The following TENM3 variants were observed in gnomAD, a reference collection of about 807,000 sequenced individuals.
The protein encoded by TENM3 is teneurin-3.
In TENM3, 63 loss-of-function variants were observed where a neutral mutation model predicts 255.1. The ratio of observed to expected loss-of-function variants is 0.25; its 90% confidence interval spans 0.20 to 0.30. The LOEUF (loss-of-function observed/expected upper bound fraction) is 0.30. Ranked by LOEUF, TENM3 falls within the 10% of genes least tolerant of loss-of-function variation. The probability of loss-of-function intolerance (pLI) is 1.00; values close to 1 mark genes in which losing one functional copy is unlikely to be tolerated. For missense variants in TENM3, 2,929 were observed against 3,461.1 expected (o/e 0.85, Z 3.86); for synonymous variants, 1,306 against 1,322.3 (o/e 0.99, Z 0.27).
the TENM3 span, among the ~76,000 whole-genome samples, chr4:181,790,786 G>C: frequency 6.6e-6 from 1 of 152,170 alleles, no homozygotes; most frequent in Non-Finnish European, 1.5e-5. Context: ...TCTGCTTACG[G>C]AGAGAGGAAA....
the TENM3 span, among the ~76,000 whole-genome samples, chr4:181,596,875 A>G: frequency 6.6e-6 from 1 of 152,138 alleles, no homozygotes; most frequent in Non-Finnish European, 1.5e-5. Flanking sequence ...AGCGGGAGGT[A>G]AATTATGAGA....
At chr4:182,089,169 G>C in the TENM3 span, among the ~76,000 whole-genome samples, 3 of 152,156 alleles carry the variant, frequency 2.0e-5, no homozygotes, top group Non-Finnish European at 4.4e-5. Context: ...AGAAACTTCT[G>C]TTGTGTATAA....
At chr4:182,028,501 A>ACT in the TENM3 span, among the ~76,000 whole-genome samples, 1 of 151,630 alleles carries the variant, frequency 6.6e-6, no homozygotes, top group Non-Finnish European at 1.5e-5. Flanking sequence ...GGTTTGGCTT[A>ACT]CTCTTGCTTT....
intron 3 of TENM3, among the ~76,000 whole-genome samples, chr4:182,549,089 G>C (rs1052698807): frequency 6.6e-6 from 1 of 152,280 alleles, no homozygotes; most frequent in South Asian, 2.1e-4. Context: ...TTTAAAGTCG[G>C]CTCCAGATAT....
At chr4:182,770,427 C>T (rs556919086) in intron 22 of TENM3, among the ~76,000 whole-genome samples, 2 of 152,162 alleles carry the variant, frequency 1.3e-5, no homozygotes, top group Non-Finnish European at 2.9e-5. Context: ...GTGCCTCAGC[C>T]GGGCCCCTGC....
chr4:181,855,916 G>T, the TENM3 span, among the ~76,000 whole-genome samples: 1 of 149,080 alleles, frequency 6.7e-6, no homozygotes, highest in Non-Finnish European at 1.5e-5. Flanking sequence ...AGGAAGAAAG[G>T]AAGGAAAAGA....
the TENM3 span, among the ~76,000 whole-genome samples, chr4:182,026,373 A>G: frequency 2.0e-5 from 3 of 152,198 alleles, no homozygotes; most frequent in Non-Finnish European, 2.9e-5. Context: ...TCCTTGTCAG[A>G]TGAGTAGTTT....
intron 3 of TENM3, among the ~76,000 whole-genome samples, chr4:182,399,878 C>T (rs1189755028): frequency 1.3e-5 from 2 of 151,880 alleles, no homozygotes; most frequent in South Asian, 4.2e-4. Context: ...CTGTTTGTAA[C>T]TATTGTAAAT....
At chr4:182,066,421 A>G in the TENM3 span, among the ~76,000 whole-genome samples, 43 of 152,246 alleles carry the variant, frequency 2.8e-4, no homozygotes, top group African/African-American at 9.9e-4. Flanking sequence ...CAACAACGAT[A>G]AGGAGATTTG....
At chr4:181,641,639 T>TAA in the TENM3 span, among the ~76,000 whole-genome samples, 3 of 45,040 alleles carry the variant, frequency 6.7e-5, no homozygotes, top group East Asian at 1.2e-3. Flanking sequence ...TATATATATA[T>TAA]AATGGAAAAT....
At chr4:182,175,334 T>TATAC (rs1554026230) in intron 1 of TENM3, among the ~76,000 whole-genome samples, 202 of 146,092 alleles carry the variant, frequency 1.4e-3, no homozygotes, top group African/African-American at 3.4e-3. Context: ...TATATATATA[T>TATAC]ACACACAAGT....
the TENM3 span, among the ~76,000 whole-genome samples, chr4:181,663,993 G>T: frequency 6.6e-6 from 1 of 152,056 alleles, no homozygotes; most frequent in Non-Finnish European, 1.5e-5. Context: ...CAGACTCTTT[G>T]AACACATAAT....
intron 2 of TENM3, among the ~76,000 whole-genome samples, chr4:182,337,697 AAAAACTT>A (rs1307180115): frequency 2.6e-5 from 4 of 152,228 alleles, no homozygotes; most frequent in African/African-American, 9.6e-5. Flanking sequence ...CAAAGTAAAT[AAAAACTT>A]AAGTTCATAG....
At chr4:182,583,060 T>G (rs1018452388) in intron 3 of TENM3, among the ~76,000 whole-genome samples, 3 of 152,218 alleles carry the variant, frequency 2.0e-5, no homozygotes, top group African/African-American at 7.2e-5. Context: ...TTTATTCTCC[T>G]TCGTAATCGA....
the TENM3 span, among the ~76,000 whole-genome samples, chr4:181,529,756 G>A: frequency 2.0e-5 from 3 of 152,262 alleles, no homozygotes; most frequent in East Asian, 1.9e-4. Flanking sequence ...AAACATTCGC[G>A]AGATGGCTAC....
At chr4:182,364,240 C>T (rs6813422) in intron 3 of TENM3, among the ~76,000 whole-genome samples, 106,456 of 151,718 alleles carry the variant, frequency 0.7, 38,998 homozygotes, top group East Asian at 0.92. Context: ...AAATCAATGC[C>T]CTTAAGTTAT....
At chr4:182,152,644 G>A (rs1324717435) in intron 1 of TENM3, among the ~76,000 whole-genome samples, 6 of 151,774 alleles carry the variant, frequency 4.0e-5, no homozygotes, top group African/African-American at 1.4e-4. Flanking sequence ...TTGCCAGTAA[G>A]ATTTTTTTCT....
intron 22 of TENM3, among the ~76,000 whole-genome samples, chr4:182,768,519 A>G (rs987326399): frequency 1.3e-5 from 2 of 152,236 alleles, no homozygotes; most frequent in Non-Finnish European, 2.9e-5. Context: ...AGATAGACCC[A>G]TTTTAAAAGT....
the TENM3 span, among the ~76,000 whole-genome samples, chr4:181,944,644 C>T: frequency 6.6e-6 from 1 of 151,868 alleles, no homozygotes; most frequent in Non-Finnish European, 1.5e-5. Flanking sequence ...CTGTGATGGC[C>T]GGAGCCACCG....
Sources: allele counts gnomAD v4.1 joint callset (sites outside exome capture counted in the v4.1 genomes callset), GRCh38; gene constraint gnomAD v4.1.1; transcripts MANE v1.5; gene names NCBI Gene and HGNC (gene_info 2026-07-23, HGNC 2026-07-21).